The following VTI1A variants were observed in gnomAD, a reference collection of about 807,000 sequenced individuals.
The protein encoded by VTI1A is vesicle transport through interaction with t-SNAREs 1A, also known as vesicle transport through interaction with t-SNAREs homolog 1A.
VTI1A carries 22 observed loss-of-function variants against 34.9 expected under a neutral mutation model. The ratio of observed to expected loss-of-function variants is 0.63; its 90% CI spans 0.45 to 0.90. The LOEUF (loss-of-function observed/expected upper bound fraction) is 0.90. Among genes scored for constraint, VTI1A ranks in the 40% least tolerant of loss-of-function variants. VTI1A has a pLI of 0.00. For missense variants in VTI1A, 268 were observed against 275.6 expected, an observed-to-expected ratio of 0.97 and a Z score of 0.20; for synonymous variants, 87 against 97.3, an observed-to-expected ratio of 0.89 and a Z score of 0.62.
chr10:112,681,342 A>G (rs542243875), intron 7 of VTI1A, among the ~76,000 whole-genome samples: 2 of 152,078 alleles, frequency 1.3e-5, no homozygotes, highest in African/African-American at 4.8e-5. Context: ...CAGCCCCCCA[A>G]AGTGCTGAGA....
rs1270724865 is a variant in VTI1A at position 112,600,516 on chromosome 10, C to T, written c.427+62186C>T. 3.3e-5 allele frequency among the ~76,000 whole-genome samples: 5 copies of T among 152,282 alleles called. No homozygotes were observed. In the South Asian group the frequency reaches 6.2e-4, roughly 19 times the overall value. On this transcript the variant is annotated intron_variant, in intron 5 of 7. Transcript: ENST00000393077. Reference sequence around the variant, plus strand: ...ACTTGCTGTTTTCTTCTCCCAGATACGCACATGGCTCACTGGCTTCGTTCA... The same window carrying T: ...ACTTGCTGTTTTCTTCTCCCAGATATGCACATGGCTCACTGGCTTCGTTCA...
intron 7 of VTI1A, among the ~76,000 whole-genome samples, chr10:112,754,899 C>T (rs1851227027): frequency 6.6e-6 from 1 of 152,150 alleles, no homozygotes; most frequent in African/African-American, 2.4e-5. Flanking sequence ...CTGAAAATGT[C>T]AAAAATGTGT....
At chr10:112,584,771 A>G (rs1377936114) in intron 5 of VTI1A, among the ~76,000 whole-genome samples, 2 of 152,170 alleles carry the variant, frequency 1.3e-5, no homozygotes, top group African/African-American at 4.8e-5. Context: ...TTCAACAGAG[A>G]AGGAAATGTA....
chr10:112,447,168 A>G (rs541609651), upstream of VTI1A: 9 of 538,818 alleles, frequency 1.7e-5, no homozygotes. Context: ...CGGAGCGGAA[A>G]ATAAAGCACG....
chr10:112,544,602 C>G (rs577085841), intron 5 of VTI1A, among the ~76,000 whole-genome samples: 3 of 151,542 alleles, frequency 2.0e-5, no homozygotes, highest in Admixed American at 6.6e-5. Context: ...CACAACATAG[C>G]AAGACCCTGT....
chr10:112,693,505 C>T (rs7094125), intron 7 of VTI1A, among the ~76,000 whole-genome samples: 10,589 of 152,080 alleles, frequency 0.07, 889 homozygotes, highest in African/African-American at 0.2. Context: ...TGAGATTGCA[C>T]CATTGCATTC....
chr10:112,810,812 C>T (rs1355935283), intron 7 of VTI1A, among the ~76,000 whole-genome samples: 3 of 152,192 alleles, frequency 2.0e-5, no homozygotes, highest in African/African-American at 7.2e-5. Context: ...GGTGAGGCCT[C>T]ACGCATGATA....
intron 5 of VTI1A, among the ~76,000 whole-genome samples, chr10:112,647,878 T>C (rs1244403821): frequency 6.6e-6 from 1 of 152,198 alleles, no homozygotes; most frequent in African/African-American, 2.4e-5. Context: ...CAGGTGATTC[T>C]CCTGCCTTAG....
intron 7 of VTI1A, among the ~76,000 whole-genome samples, chr10:112,710,953 G>T (rs1038483938): frequency 3.3e-5 from 5 of 152,062 alleles, no homozygotes; most frequent in African/African-American, 1.2e-4. Flanking sequence ...CAATTCAATG[G>T]GGCCAATTAT....
intron 7 of VTI1A, among the ~76,000 whole-genome samples, chr10:112,732,106 T>G (rs1850285943): frequency 1.3e-5 from 2 of 152,074 alleles, no homozygotes; most frequent in African/African-American, 4.8e-5. Context: ...AAAATCACAT[T>G]TTTGGGGAAC....
chr10:112,476,709 A>G (rs1224885645), intron 3 of VTI1A, among the ~76,000 whole-genome samples: 4 of 152,218 alleles, frequency 2.6e-5, no homozygotes, highest in African/African-American at 9.6e-5. Flanking sequence ...TTACAAAAGT[A>G]TTTGAATAAA....
At chr10:112,705,881 T>C (rs905762027) in intron 7 of VTI1A, among the ~76,000 whole-genome samples, 5 of 152,170 alleles carry the variant, frequency 3.3e-5, no homozygotes, top group African/African-American at 4.8e-5. Context: ...AGAAGCTAGT[T>C]CCGTGTTAAT....
chr10:112,664,396 A>T (rs75982605), intron 5 of VTI1A, among the ~76,000 whole-genome samples: 4,224 of 151,882 alleles, frequency 0.028, 102 homozygotes, highest in African/African-American at 0.066. Flanking sequence ...AATTTTTTTT[A>T]AAAAAAAGAG....
chr10:112,758,416 G>A (rs1217770507), intron 7 of VTI1A, among the ~76,000 whole-genome samples: 1 of 147,936 alleles, frequency 6.8e-6, no homozygotes, highest in South Asian at 2.3e-4. Context: ...GGATCACCTG[G>A]GGTACAGGTT....
chr10:112,591,004 G>A (rs1331123910), intron 5 of VTI1A, among the ~76,000 whole-genome samples: 2 of 152,174 alleles, frequency 1.3e-5, no homozygotes. Flanking sequence ...CGGAGGCTTA[G>A]GCAAGAGAAT....
intron 5 of VTI1A, among the ~76,000 whole-genome samples, chr10:112,610,024 A>G (rs1845232501): frequency 6.6e-6 from 1 of 152,184 alleles, no homozygotes; most frequent in Non-Finnish European, 1.5e-5. Context: ...AGAAAAAAAA[A>G]TGTGGTAAAC....
chr10:112,569,980 G>A (rs1303816633), intron 5 of VTI1A, among the ~76,000 whole-genome samples: 2 of 152,200 alleles, frequency 1.3e-5, no homozygotes, highest in African/African-American at 4.8e-5. Flanking sequence ...TCTATGCAAA[G>A]TGTGCATTCA....
chr10:112,554,587 G>A (rs1490494732), intron 5 of VTI1A, among the ~76,000 whole-genome samples: 1 of 152,072 alleles, frequency 6.6e-6, no homozygotes, highest in African/African-American at 2.4e-5. Context: ...TGCAATCACA[G>A]TAGTCTTCAT....
the VTI1A span, among the ~76,000 whole-genome samples, chr10:112,833,887 C>G: frequency 6.6e-6 from 1 of 152,184 alleles, no homozygotes; most frequent in African/African-American, 2.4e-5. Flanking sequence ...AAGGGGCTGA[C>G]TCCATCTTCT....
Sources: allele counts gnomAD v4.1 joint callset (sites outside exome capture counted in the v4.1 genomes callset), GRCh38; gene constraint gnomAD v4.1.1; transcripts MANE v1.5; gene names NCBI Gene and HGNC (gene_info 2026-07-23, HGNC 2026-07-21).